LHFPL3: variants seen among roughly 807,000 people sequenced by gnomAD.
LHFPL3 encodes LHFPL tetraspan subfamily member 3 protein.
Under a neutral mutation model 19.3 loss-of-function variants are expected in LHFPL3, and 5 were observed. The ratio of observed to expected loss-of-function variants is 0.26; its 90% CI spans 0.14 to 0.54. The LOEUF is 0.54. Ranked by LOEUF, LHFPL3 falls within the 20% of genes least tolerant of loss-of-function variation. The pLI is 0.94. For missense variants in LHFPL3, 249 were observed against 307.4 expected (o/e 0.81, Z 1.42); for synonymous variants, 133 against 126.2 (o/e 1.05, Z -0.36).
At chr7:104,337,162 A>G (rs555487284) in intron 1 of LHFPL3, among the ~76,000 whole-genome samples, 1 of 152,130 alleles carries the variant, frequency 6.6e-6, no homozygotes, top group Non-Finnish European at 1.5e-5. Flanking sequence ...AATTGACAGA[A>G]GGCTCAGTAT....
chr7:104,563,613 T>G (rs1395289420), intron 1 of LHFPL3, among the ~76,000 whole-genome samples: 1 of 152,212 alleles, frequency 6.6e-6, no homozygotes, highest in Non-Finnish European at 1.5e-5. Flanking sequence ...ACCCGGTACC[T>G]CAGATGGAAA....
intron 1 of LHFPL3, among the ~76,000 whole-genome samples, chr7:104,503,627 T>C (rs1793642481): frequency 6.6e-6 from 1 of 152,178 alleles, no homozygotes. Context: ...TGGAGTGCAG[T>C]GGCATGATCT....
At chr7:104,418,737 T>C (rs1393707162) in intron 1 of LHFPL3, among the ~76,000 whole-genome samples, 3 of 152,148 alleles carry the variant, frequency 2.0e-5, no homozygotes, top group African/African-American at 7.2e-5. Context: ...ATCTCAGCCT[T>C]CAAGGATAGG....
intron 2 of LHFPL3, among the ~76,000 whole-genome samples, chr7:104,883,900 T>C (rs886983574): frequency 2.0e-5 from 3 of 152,120 alleles, no homozygotes; most frequent in Non-Finnish European, 4.4e-5. Context: ...CTCTGAGCCA[T>C]TGAAATTCAC....
Position 104,617,898 on chromosome 7 carries a change from A to G in LHFPL3, c.446-118777A>G, listed in dbSNP as rs577848568. On this transcript the variant is annotated intron_variant, in intron 1 of 2. Coordinates refer to ENST00000424859, the MANE Select transcript of LHFPL3 (RefSeq NM_199000.3). The stretch of plus-strand genomic sequence containing the variant: ...TGCTTGTGGCTACCAAGTAATAGAA[A>G]ACCAACTCAAAATACCTTGGGCCTT... Among the ~76,000 whole-genome samples, 62 of 152,332 alleles carry G rather than the reference A, an allele frequency of 4.1e-4. No homozygotes were observed. The South Asian group carries it at 0.011, about 27-fold the overall frequency.
At chr7:104,446,326 G>A (rs1792329590) in intron 1 of LHFPL3, among the ~76,000 whole-genome samples, 1 of 152,118 alleles carries the variant, frequency 6.6e-6, no homozygotes, top group South Asian at 2.1e-4. Context: ...GGAAGACCTT[G>A]CAGAGCTGTG....
intron 2 of LHFPL3, among the ~76,000 whole-genome samples, chr7:104,874,615 G>A (rs1791902679): frequency 6.6e-6 from 1 of 151,858 alleles, no homozygotes; most frequent in Admixed American, 6.6e-5. Context: ...CATCATGTTG[G>A]CCAGGCTGGT....
intron 1 of LHFPL3, among the ~76,000 whole-genome samples, chr7:104,374,536 A>G (rs2012179): frequency 0.63 from 96,045 of 151,932 alleles, 30,842 homozygotes; most frequent in African/African-American, 0.74. Flanking sequence ...CACTGCACCC[A>G]GCCTCTATAT....
intron 1 of LHFPL3, among the ~76,000 whole-genome samples, chr7:104,410,721 A>C (rs1791520729): frequency 6.6e-6 from 1 of 152,248 alleles, no homozygotes. Flanking sequence ...ATATGTGCAA[A>C]AATGCATTTA....
At chr7:104,333,493 A>G (rs1468252559) in intron 1 of LHFPL3, among the ~76,000 whole-genome samples, 3 of 152,178 alleles carry the variant, frequency 2.0e-5, no homozygotes, top group Non-Finnish European at 4.4e-5. Context: ...ACCAGCAAGA[A>G]GGGCCAGCAA....
intron 1 of LHFPL3, among the ~76,000 whole-genome samples, chr7:104,409,707 A>G: frequency 6.6e-6 from 1 of 152,246 alleles, no homozygotes; most frequent in Admixed American, 6.5e-5. Flanking sequence ...TTTTATTAAA[A>G]GCTATTTCAT....
chr7:104,341,734 G>A (rs1278478369), intron 1 of LHFPL3, among the ~76,000 whole-genome samples: 1 of 152,104 alleles, frequency 6.6e-6, no homozygotes. Context: ...CTCCATTGTC[G>A]GCAGGATGGG....
At chr7:104,760,090 G>A (rs759743256) in intron 2 of LHFPL3, among the ~76,000 whole-genome samples, 12 of 152,172 alleles carry the variant, frequency 7.9e-5, no homozygotes, top group South Asian at 6.2e-4. Context: ...CAGAGGTTCC[G>A]ATTCAGCGAT....
intron 1 of LHFPL3, among the ~76,000 whole-genome samples, chr7:104,343,915 T>C (rs4729994): frequency 0.54 from 82,054 of 151,958 alleles, 22,864 homozygotes; most frequent in East Asian, 0.71. Flanking sequence ...CTGGGTAGCA[T>C]ATTGTTTAAT....
chr7:104,569,813 G>GT (rs1224563904), intron 1 of LHFPL3, among the ~76,000 whole-genome samples: 3 of 152,184 alleles, frequency 2.0e-5, no homozygotes, highest in African/African-American at 2.4e-5. Context: ...CTTGCCCCAG[G>GT]TCACGTAACC....
At chr7:104,596,215 A>G (rs1367164687) in intron 1 of LHFPL3, among the ~76,000 whole-genome samples, 1 of 152,210 alleles carries the variant, frequency 6.6e-6, no homozygotes, top group Non-Finnish European at 1.5e-5. Flanking sequence ...TTATCACATG[A>G]GATGCAGTGG....
intron 1 of LHFPL3, among the ~76,000 whole-genome samples, chr7:104,398,884 C>T (rs888510603): frequency 3.3e-5 from 5 of 152,156 alleles, no homozygotes; most frequent in Non-Finnish European, 4.4e-5. Flanking sequence ...CTACGTGTCC[C>T]CATATCACAA....
chr7:104,600,539 T>C (rs1790943134), intron 1 of LHFPL3, among the ~76,000 whole-genome samples: 1 of 152,256 alleles, frequency 6.6e-6, no homozygotes, highest in South Asian at 2.1e-4. Flanking sequence ...TGTTTCATGA[T>C]ACTTTTTACT....
intron 1 of LHFPL3, among the ~76,000 whole-genome samples, chr7:104,373,045 A>G (rs1790644517): frequency 6.6e-6 from 1 of 150,594 alleles, no homozygotes; most frequent in South Asian, 2.1e-4. Context: ...GAAATGCTGC[A>G]TGCACTATTT....
Sources: allele counts gnomAD v4.1 joint callset (sites outside exome capture counted in the v4.1 genomes callset), GRCh38; gene constraint gnomAD v4.1.1; transcripts MANE v1.5; gene names NCBI Gene and HGNC (gene_info 2026-07-23, HGNC 2026-07-21).